TADA2A: variants seen among roughly 807,000 people sequenced by gnomAD.
TADA2A encodes the protein transcriptional adapter 2-alpha.
TADA2A carries 38 observed loss-of-function variants against 67.4 expected under a neutral mutation model. That is an observed-to-expected ratio of 0.56 (90% CI 0.44 to 0.74). TADA2A has a LOEUF of 0.74. Ranked by LOEUF, TADA2A falls within the 30% of genes least tolerant of loss-of-function variation. The pLI is 0.00. For synonymous variants in TADA2A, 192 were observed against 181.6 expected (o/e 1.06, Z -0.46); for missense variants, 454 against 547.0 (o/e 0.83, Z 1.70).
chr17:37,450,100 A>C (rs963777111), intron 8 of TADA2A, among the ~76,000 whole-genome samples: 1 of 152,276 alleles, frequency 6.6e-6, no homozygotes, highest in Admixed American at 6.5e-5. Context: ...ACAAACTCAT[A>C]ATGTCTTAAA....
intron 2 of TADA2A, 38 bp from the exon 3 acceptor site, chr17:37,423,471 G>A (rs1489060649): frequency 6.7e-7 from 1 of 1,483,544 alleles, no homozygotes; most frequent in African/African-American, 1.4e-5. Flanking sequence ...TAACCGTAAG[G>A]TGGTCTGAAA....
At chr17:37,440,181 A>G (rs898909806) in intron 5 of TADA2A, among the ~76,000 whole-genome samples, 1 of 151,996 alleles carries the variant, frequency 6.6e-6, no homozygotes, top group African/African-American at 2.4e-5. Context: ...TCCCAACCTC[A>G]GGTGATCCAC....
chr17:37,470,116 A>G (rs1212580397), intron 12 of TADA2A, among the ~76,000 whole-genome samples: 1 of 152,228 alleles, frequency 6.6e-6, no homozygotes, highest in Non-Finnish European at 1.5e-5. Flanking sequence ...GAGTGGAAAT[A>G]TGAGCAATTC....
chr17:37,475,611 G>T (rs1004902711), intron 15 of TADA2A, among the ~76,000 whole-genome samples: 1 of 151,930 alleles, frequency 6.6e-6, no homozygotes, highest in Non-Finnish European at 1.5e-5. Flanking sequence ...GACTACAGGC[G>T]CATACCACCA....
intron 5 of TADA2A, among the ~76,000 whole-genome samples, chr17:37,440,158 G>T (rs371608471): frequency 6.6e-6 from 1 of 151,816 alleles, no homozygotes; most frequent in Non-Finnish European, 1.5e-5. Context: ...TGTTGATCAG[G>T]CTGGTCTCTA....
Position 37,474,680 on chromosome 17 carries a change from T to C in TADA2A, c.1146+51T>C, listed in dbSNP as rs375446051. 10 of 1,555,766 alleles carry C rather than the reference T, an allele frequency of 6.4e-6. No individual in the cohort carries two copies. In the East Asian group the frequency reaches 6.9e-5, roughly 11 times the overall value. On this transcript the variant is annotated intron_variant, in intron 15 of 15. Transcript: ENST00000615182. ...AAAGAGAATAGGGGCTGATTATTCA[T>C]TGAGTTGTCATTAAAAATCCATTAC...
intron 4 of TADA2A, among the ~76,000 whole-genome samples, 189 bp from the exon 5 acceptor site, chr17:37,437,549 G>C (rs2052768550): frequency 6.6e-6 from 1 of 151,928 alleles, no homozygotes; most frequent in South Asian, 2.1e-4. Context: ...ACCATGCCCA[G>C]CTCATTTTTG....
chr17:37,435,018 G>A (rs549742809), intron 4 of TADA2A, among the ~76,000 whole-genome samples: 1 of 152,256 alleles, frequency 6.6e-6, no homozygotes, highest in African/African-American at 2.4e-5. Context: ...AGGCCCAGGC[G>A]GGCAGATCAC....
intron 8 of TADA2A, among the ~76,000 whole-genome samples, chr17:37,455,316 A>T (rs1009275702): frequency 7.5e-4 from 27 of 35,936 alleles, no homozygotes; most frequent in African/African-American, 4.0e-3. Flanking sequence ...CTGGTTATTA[A>T]AAAAAAAAAA....
chr17:37,430,909 G>A (rs530892789), intron 4 of TADA2A, among the ~76,000 whole-genome samples: 1 of 152,258 alleles, frequency 6.6e-6, no homozygotes, highest in East Asian at 1.9e-4. Flanking sequence ...TGAATTGAGA[G>A]TGATTATGAA....
Position 37,467,658 on chromosome 17 carries a change from A to T in TADA2A, c.895+133A>T. 4.1e-6 allele frequency: 3 copies of T among 733,218 alleles called. No individual in the cohort carries two copies. The South Asian group carries it at 6.0e-5, about 15-fold the overall frequency. 45.4% of individuals were successfully genotyped at this position (733,218 alleles called of 1,614,324 possible). A position where few individuals can be genotyped will look rare whatever the true frequency, so the allele number is the denominator to read the frequency against. On this transcript the variant is annotated intron_variant, in intron 12 of 15. Transcript: ENST00000615182. ...TTACCAGAATGCTTTAAACCTTTCC[A>T]GTAAAGTTTTGGCTATTTAATCCCT...
chr17:37,463,989 T>A (rs1332781908), intron 10 of TADA2A, among the ~76,000 whole-genome samples: 1 of 151,252 alleles, frequency 6.6e-6, no homozygotes, highest in East Asian at 2.0e-4. Flanking sequence ...AAAAAAAAAA[T>A]AGCTGTCATA....
chr17:37,431,519 A>G (rs2052566844), intron 4 of TADA2A, among the ~76,000 whole-genome samples: 1 of 151,926 alleles, frequency 6.6e-6, no homozygotes, highest in African/African-American at 2.4e-5. Flanking sequence ...AACTCTTAAA[A>G]TTATTGACTC....
intron 6 of TADA2A, among the ~76,000 whole-genome samples, chr17:37,442,066 A>G (rs558058213): frequency 1.6e-4 from 24 of 152,272 alleles, no homozygotes; most frequent in African/African-American, 5.8e-4. Context: ...AGGCAGAGCA[A>G]GTGCTTTTGT....
intron 12 of TADA2A, among the ~76,000 whole-genome samples, chr17:37,468,979 C>A (rs1198027578): frequency 1.3e-5 from 2 of 151,964 alleles, no homozygotes; most frequent in Admixed American, 6.6e-5. Context: ...TGGTTCACCA[C>A]AACCTCTGCC....
At chr17:37,448,778 GC>G in intron 8 of TADA2A, among the ~76,000 whole-genome samples, 1 of 152,248 alleles carries the variant, frequency 6.6e-6, no homozygotes, top group Admixed American at 6.5e-5. Flanking sequence ...TCTCAGGGTT[GC>G]ACCTTAGTAC....
At position 37,477,056 on chromosome 17, in the gene TADA2A, C is replaced by A; in HGVS notation, c.*74C>A. The A allele has an allele frequency of 6.9e-7, 1 of 1,444,252 alleles. No homozygotes were observed. Among genetic ancestry groups the A allele is most frequent in the Non-Finnish European group, 9.3e-7 (1 of 1,070,156 alleles). 89.5% of individuals were successfully genotyped at this position (1,444,252 alleles called of 1,614,324 possible). ...TCAAAGGACAATATGGGTGGGCATT[C>A]TGGAGAGTTGTTTTTCAGCTGAATT... is the stretch of plus-strand genomic sequence containing the variant. On this transcript the variant is annotated 3_prime_UTR_variant, in exon 16 of 16. Transcript: ENST00000615182.
rs2052166122 is a variant in TADA2A at position 37,419,604 on chromosome 17, C to T, written c.26-3905C>T. The stretch of plus-strand genomic sequence containing the variant: ...GACCAGCCTGGGCAACATGGGAAAA[C>T]CCCCCCTCTACTAAAAGTACAAAAT... On this transcript the variant is annotated intron_variant, in intron 2 of 15. Transcript: ENST00000615182. 1.4e-5 allele frequency among the ~76,000 whole-genome samples: 2 copies of T among 145,842 alleles called. 1 individual carries two copies. Among genetic ancestry groups the T allele is most frequent in the Non-Finnish European group, 3.1e-5 (2 of 65,428 alleles).
At chr17:37,454,783 G>A (rs1436742289) in intron 8 of TADA2A, 2 of 270,840 alleles carry the variant, frequency 7.4e-6, no homozygotes, top group East Asian at 2.0e-4. Flanking sequence ...AAGTTAAAAA[G>A]GCTCAATGAA....
Sources: gnomAD v4.1 joint callset for allele counts (sites outside exome capture counted in the v4.1 genomes callset) on GRCh38, gnomAD v4.1.1 for gene constraint, MANE v1.5 for transcripts, NCBI Gene and HGNC (gene_info 2026-07-23, HGNC 2026-07-21) for gene names.